Variants in DRC8 observed in about 807,000 individuals in gnomAD.
DRC8 encodes the protein dynein regulatory complex protein 8.
chr1:245,063,817 C>CATCAGGTGA, the DRC8 span, among the ~76,000 whole-genome samples: 1 of 152,098 alleles, frequency 6.6e-6, no homozygotes, highest in Non-Finnish European at 1.5e-5. Flanking sequence ...TGCCTCCTGG[C>CATCAGGTGA]TTCAGGTGAT....
At chr1:244,985,101 G>A in the DRC8 span, among the ~76,000 whole-genome samples, 1 of 85,762 alleles carries the variant, frequency 1.2e-5, no homozygotes, top group African/African-American at 5.4e-5. Flanking sequence ...TTTTTTTTCT[G>A]ATTACATGTG....
the DRC8 span, among the ~76,000 whole-genome samples, chr1:245,080,858 C>T: frequency 1.7e-4 from 26 of 152,270 alleles, no homozygotes; most frequent in Admixed American, 1.5e-3. Context: ...ACAAGAAGGC[C>T]CTGCCGTCGG....
chr1:245,015,474 G>A, the DRC8 span, among the ~76,000 whole-genome samples: 1 of 152,128 alleles, frequency 6.6e-6, no homozygotes, highest in East Asian at 1.9e-4. Context: ...ACTTTGGGAG[G>A]CTGAGGCGGG....
At chr1:245,107,310 C>CG in the DRC8 span, 1 of 136,958 alleles carries the variant, frequency 7.3e-6, no homozygotes, top group East Asian at 2.1e-4. Context: ...AAGTGGGGGA[C>CG]AGGGGTGGGG....
the DRC8 span, among the ~76,000 whole-genome samples, chr1:245,088,711 G>C: frequency 6.6e-6 from 1 of 152,210 alleles, no homozygotes; most frequent in Non-Finnish European, 1.5e-5. The surrounding 1 kb of genome is among the most constrained non-coding windows in gnomAD (Gnocchi z 4.6). Context: ...GTGCTAGTGA[G>C]CGGAGAAGGC....
chr1:245,029,577 G>A, the DRC8 span, among the ~76,000 whole-genome samples: 1 of 150,896 alleles, frequency 6.6e-6, no homozygotes, highest in East Asian at 1.9e-4. Context: ...GGGATTACAG[G>A]TGTGAGCCAC....
chr1:245,059,265 T>C, the DRC8 span: 7 of 659,046 alleles, frequency 1.1e-5, no homozygotes, highest in East Asian at 1.7e-4. Context: ...TTTATAATCA[T>C]GAGGCAATAT....
At chr1:245,124,893 C>T in the DRC8 span, 1 of 152,312 alleles carries the variant, frequency 6.6e-6, no homozygotes, top group African/African-American at 2.4e-5. Context: ...CCAAACTCCT[C>T]AGGGAGATGG....
chr1:245,081,394 C>T, the DRC8 span, among the ~76,000 whole-genome samples: 1 of 152,108 alleles, frequency 6.6e-6, no homozygotes, highest in African/African-American at 2.4e-5. Flanking sequence ...ATCTGCTGAC[C>T]TCGTGATCCA....
the DRC8 span, among the ~76,000 whole-genome samples, chr1:245,004,559 A>G: frequency 6.6e-6 from 1 of 152,106 alleles, no homozygotes; most frequent in Non-Finnish European, 1.5e-5. Flanking sequence ...ATGTTTTAAA[A>G]GGATATTTTG....
At chr1:245,086,816 C>T in the DRC8 span, 3 of 533,724 alleles carry the variant, frequency 5.6e-6, no homozygotes, top group South Asian at 2.8e-5. Context: ...TCTCAGAGCT[C>T]GTGAGAGGCA....
the DRC8 span, among the ~76,000 whole-genome samples, chr1:245,093,884 C>T: frequency 3.0e-4 from 46 of 152,180 alleles, no homozygotes; most frequent in African/African-American, 1.1e-3. Context: ...CCACACGCCC[C>T]GGCATTAAGT....
chr1:245,003,363 A>T, the DRC8 span, among the ~76,000 whole-genome samples: 1 of 152,216 alleles, frequency 6.6e-6, no homozygotes, highest in Non-Finnish European at 1.5e-5. Context: ...AGGAACTACG[A>T]TACTGGTTTC....
the DRC8 span, among the ~76,000 whole-genome samples, chr1:245,093,875 C>G: frequency 9.2e-3 from 1,400 of 152,228 alleles, 25 homozygotes; most frequent in African/African-American, 0.032. Context: ...TGGCTCCCCC[C>G]ACACGCCCCG....
At chr1:245,102,266 C>T in the DRC8 span, among the ~76,000 whole-genome samples, 2 of 152,174 alleles carry the variant, frequency 1.3e-5, no homozygotes, top group Admixed American at 6.6e-5. Flanking sequence ...ACAGGATTCA[C>T]CTGTGGGGAA....
At chr1:245,053,375 G>GCATGT in the DRC8 span, among the ~76,000 whole-genome samples, 4 of 152,144 alleles carry the variant, frequency 2.6e-5, no homozygotes, top group Admixed American at 1.3e-4. Context: ...GAGCTGTCTA[G>GCATGT]GCCTGAGACA....
chr1:245,075,916 C>G, the DRC8 span, among the ~76,000 whole-genome samples: 144,120 of 152,224 alleles, frequency 0.95, 68,587 homozygotes, highest in Non-Finnish European at 1. Context: ...TTTTTCAGTC[C>G]AAAGAGGCCA....
At chr1:245,014,406 G>T in the DRC8 span, among the ~76,000 whole-genome samples, 1 of 152,080 alleles carries the variant, frequency 6.6e-6, no homozygotes, top group African/African-American at 2.4e-5. Flanking sequence ...AGATTCATTT[G>T]TAATCAAAGC....
chr1:245,071,749 G>T, the DRC8 span, among the ~76,000 whole-genome samples: 769 of 152,274 alleles, frequency 5.1e-3, 5 homozygotes, highest in African/African-American at 0.017. Flanking sequence ...CAAACAGAAA[G>T]ATTTTACTTC....
Sources: allele counts gnomAD v4.1 joint callset (sites outside exome capture counted in the v4.1 genomes callset), GRCh38; gene constraint gnomAD v4.1.1; non-coding constraint Gnocchi (gnomAD v3.1); transcripts MANE v1.5; gene names NCBI Gene and HGNC (gene_info 2026-07-23, HGNC 2026-07-21).